The following FLYWCH1 variants were observed in gnomAD, a reference collection of about 807,000 sequenced individuals.
The protein encoded by FLYWCH1 is FLYWCH-type zinc finger-containing protein 1.
FLYWCH1 carries 75 observed loss-of-function variants against 66.4 expected under a neutral mutation model. The ratio of observed to expected loss-of-function variants is 1.13; its 90% CI spans 0.94 to 1.37. FLYWCH1 has a LOEUF of 1.37. Among genes scored for constraint, FLYWCH1 ranks in the 40% most tolerant of loss-of-function variants. The pLI is 0.00. For missense variants in FLYWCH1, 1,334 were observed against 1,001.8 expected (o/e 1.33, Z -4.48); for synonymous variants, 595 against 429.9 (o/e 1.38, Z -4.75).
At chr16:2,928,974 C>T (rs2070665640) in intron 2 of FLYWCH1, 1 of 152,406 alleles carries the variant, frequency 6.6e-6, no homozygotes, top group Admixed American at 6.5e-5. Flanking sequence ...CTGGGGCCTC[C>T]AGGCTAGGAT....
chr16:2,945,734 A>G (rs1277179066), intron 9 of FLYWCH1, among the ~76,000 whole-genome samples: 1 of 152,010 alleles, frequency 6.6e-6, no homozygotes, highest in Non-Finnish European at 1.5e-5. Flanking sequence ...GCGGTGGCTC[A>G]TGCCTGTAAT....
intron 4 of FLYWCH1, among the ~76,000 whole-genome samples, chr16:2,931,129 C>T (rs1253692335): frequency 6.6e-6 from 1 of 151,050 alleles, no homozygotes; most frequent in African/African-American, 2.4e-5. Context: ...TTGGTGAAAC[C>T]CTGTCTCTAC....
At chr16:2,925,748 G>T (rs1196247707) in intron 2 of FLYWCH1, among the ~76,000 whole-genome samples, 1 of 152,172 alleles carries the variant, frequency 6.6e-6, no homozygotes, top group South Asian at 2.1e-4. Context: ...GCCGGGGCTG[G>T]GGGAGGTGTG....
At chr16:2,938,675 C>T (rs371865420) in intron 8 of FLYWCH1, among the ~76,000 whole-genome samples, 5 of 146,800 alleles carry the variant, frequency 3.4e-5, no homozygotes, top group East Asian at 2.0e-4. Flanking sequence ...TGCACTGGCG[C>T]GATCTCGGCT....
chr16:2,932,540 C>T (rs1408597549), intron 4 of FLYWCH1, among the ~76,000 whole-genome samples: 1 of 152,104 alleles, frequency 6.6e-6, no homozygotes, highest in Non-Finnish European at 1.5e-5. Context: ...TCGAGGAGGC[C>T]ACGTGGCTCC....
intron 2 of FLYWCH1, among the ~76,000 whole-genome samples, chr16:2,921,252 G>A (rs1330602525): frequency 6.6e-6 from 1 of 151,530 alleles, no homozygotes; most frequent in Non-Finnish European, 1.5e-5. Context: ...AGCTGTCCAA[G>A]TATCACCACC....
chr16:2,929,638 C>A lies in FLYWCH1; in HGVS notation c.-48C>A. 6.4e-7 allele frequency: 1 copy of A among 1,564,398 alleles called. No homozygotes were observed. The highest frequency in any genetic ancestry group is 8.7e-7 in the Non-Finnish European group (1 of 1,154,986). On this transcript the variant is annotated 5_prime_UTR_variant, in exon 3 of 10. Coordinates refer to ENST00000253928, the MANE Select transcript of FLYWCH1 (RefSeq NM_001308068.2). Reference sequence around the variant, plus strand: ...GACGGAACCACTGCACTCCAGGTTCCTTGCTGGGTGCTGAGCGTGGCCTGA... The same window carrying A: ...GACGGAACCACTGCACTCCAGGTTCATTGCTGGGTGCTGAGCGTGGCCTGA...
rs375339876 is a variant in FLYWCH1, at chr16:2,937,204, G to A, written c.1597G>A (p.Gly533Arg). 49 of 1,521,656 alleles carry A rather than the reference G, an allele frequency of 3.2e-5. No individual in the cohort carries two copies. Among genetic ancestry groups the A allele is most frequent in the Middle Eastern group, 4.2e-4 (2 of 4,792 alleles). The allele number at this position is 1,521,656 out of a possible 1,614,324, so 94.3% of individuals were successfully genotyped here. A position where few individuals can be genotyped will look rare whatever the true frequency, so the allele number is the denominator to read the frequency against. Residue 533 changes from glycine to arginine, a missense_variant, in exon 7 of 10, where the codon GGG becomes AGG. Transcript: ENST00000253928. ...SFLYRREKAA[G>R]EKVYWTCRDQ... is the part of the protein sequence containing the mutation. ...CCTCTACCGGCGGGAGAAGGCGGCC[G>A]GGGAGAAGGTGTATTGGACCTGCCG...
Position 2,938,364 on chromosome 16 carries a change from T to C in FLYWCH1, c.1958T>C (p.Met653Thr). ...ACCCAGGGCCACCGCATCATGGTCA[T>C]GCGCAGCCACTGCCATCAGCCTGAC... ...AITQGHRIMV[M>T]RSHCHQPDLA... is the part of the protein sequence containing the mutation. Residue 653 changes from methionine to threonine, a missense_variant, in exon 8 of 10, where the codon ATG (methionine) becomes ACG (threonine). By Grantham distance (81) the Met-to-Thr change is moderately conservative (BLOSUM62 -1). Coordinates refer to ENST00000253928, the MANE Select transcript of FLYWCH1 (RefSeq NM_001308068.2). 3.8e-6 allele frequency: 6 copies of C among 1,590,254 alleles called. No homozygotes were observed. The highest frequency in any genetic ancestry group is 5.1e-6 in the Non-Finnish European group (6 of 1,166,988).
chr16:2,924,287 G>A (rs1427515831), intron 2 of FLYWCH1, among the ~76,000 whole-genome samples: 1 of 150,356 alleles, frequency 6.7e-6, no homozygotes, highest in Non-Finnish European at 1.5e-5. Flanking sequence ...GCCGAGATCC[G>A]AGCACTGCAC....
intron 9 of FLYWCH1, among the ~76,000 whole-genome samples, chr16:2,947,901 TGTG>T (rs147447221): frequency 0.035 from 5,336 of 151,732 alleles, 320 homozygotes; most frequent in African/African-American, 0.12. Context: ...ATTAGCCAGA[TGTG>T]GTGGTGTGCA....
intron 1 of FLYWCH1, among the ~76,000 whole-genome samples, chr16:2,913,743 T>C (rs1247039960): frequency 6.6e-6 from 1 of 152,206 alleles, no homozygotes; most frequent in Admixed American, 6.5e-5. Flanking sequence ...GTGCACCCAC[T>C]GAGCCTGTGA....
Position 2,937,377 on chromosome 16 carries a change from C to T in FLYWCH1, c.1770C>T (p.Asp590=). ...ACTTCCCCAACCTGGCGCAGTGGGACAGCCCAGGTGCGTGTGGAGGGTGCT... is the reference window on the plus strand; with the variant it reads ...ACTTCCCCAACCTGGCGCAGTGGGATAGCCCAGGTGCGTGTGGAGGGTGCT... ...REHFPNLAQW[D]SPDPLRPLEF... Residue 590 remains aspartate, a synonymous_variant, in exon 7 of 10, where the codon GAC becomes GAT. Coordinates refer to ENST00000253928, the MANE Select transcript of FLYWCH1 (RefSeq NM_001308068.2). 1.9e-6 allele frequency: 3 copies of T among 1,568,118 alleles called. No homozygotes were observed. The highest frequency in any genetic ancestry group is 2.6e-6 in the Non-Finnish European group (3 of 1,159,102).
At chr16:2,921,705 T>C (rs1440539002) in intron 2 of FLYWCH1, among the ~76,000 whole-genome samples, 1 of 151,684 alleles carries the variant, frequency 6.6e-6, no homozygotes, top group Non-Finnish European at 1.5e-5. Flanking sequence ...GAGGCTGTAG[T>C]GATCACGCCA....
At chr16:2,917,777 C>G (rs1326668611) in intron 2 of FLYWCH1, among the ~76,000 whole-genome samples, 1 of 151,982 alleles carries the variant, frequency 6.6e-6, no homozygotes, top group Non-Finnish European at 1.5e-5. Flanking sequence ...TTGTTCCTCC[C>G]TCTTCCTTTG....
In FLYWCH1 at chr16:2,930,728, C is replaced by G; in HGVS notation, c.644C>G (p.Pro215Arg). The G allele has an allele frequency of 1.9e-6, 3 of 1,551,240 alleles. No individual in the cohort carries two copies. The highest frequency in any genetic ancestry group is 2.6e-6 in the Non-Finnish European group (3 of 1,152,398). ...PEGPGGRVEE[P>R]LEGVGPWQCP... ...GGCCCTGGAGGCCGAGTGGAGGAGC[C>G]CCTGGAGGGGGTGGGCCCGTGGCAG... The change falls in exon 4 of 10, where the codon CCC becomes CGC. Residue 215 changes from proline to arginine, a missense_variant. Physicochemically the swap from Pro to Arg is moderately radical, Grantham distance 103. Transcript: ENST00000253928.
At chr16:2,946,825 T>C (rs1041939115) in intron 9 of FLYWCH1, among the ~76,000 whole-genome samples, 3 of 152,130 alleles carry the variant, frequency 2.0e-5, no homozygotes, top group Non-Finnish European at 2.9e-5. Context: ...CCCACTGGGA[T>C]GGCTATTTAA....
chr16:2,917,479 T>G (rs1254793887), intron 2 of FLYWCH1, among the ~76,000 whole-genome samples: 2 of 152,036 alleles, frequency 1.3e-5, no homozygotes, highest in Admixed American at 6.6e-5. Context: ...TCCGCCCATC[T>G]CAGCCTCCCA....
rs754011474 is a variant in FLYWCH1 at position 2,930,548 on chromosome 16, GCCGGGGCCGGGCCATCAC to G, written c.468_485del (p.Arg158_Gly163del). On this transcript the variant is annotated inframe_deletion, in exon 4 of 10. Transcript: ENST00000253928. ...TGCCGCCAACATGCTGAGCTGGGCT[GCCGGGGCCGGGCCATCAC>G]CCGAGGCCTGCGGGCCACAGTGATG... 6.5e-7 allele frequency: 1 copy of G among 1,549,284 alleles called. No homozygotes were observed. The highest frequency in any genetic ancestry group is 1.4e-5 in the African/African-American group (1 of 72,524).
Sources: allele counts gnomAD v4.1 joint callset (sites outside exome capture counted in the v4.1 genomes callset), GRCh38; gene constraint gnomAD v4.1.1; transcripts MANE v1.5; gene names NCBI Gene and HGNC (gene_info 2026-07-23, HGNC 2026-07-21).